The following TRIM72 variants were observed in gnomAD, a reference collection of about 807,000 sequenced individuals.
TRIM72 encodes the protein tripartite motif-containing protein 72.
TRIM72 carries 33 observed loss-of-function variants against 31.6 expected under a neutral mutation model. That is an observed-to-expected ratio of 1.04 (90% CI 0.79 to 1.40). The LOEUF is 1.40. TRIM72 is among the 40% of genes most tolerant of loss of function. TRIM72 has a pLI of 0.00. For missense variants in TRIM72, 666 were observed against 682.7 expected, an observed-to-expected ratio of 0.98 and a Z score of 0.27; for synonymous variants, 301 against 314.4, an observed-to-expected ratio of 0.96 and a Z score of 0.45.
chr16:31,224,116 T>G, intron 6 of TRIM72, 65 bp from the exon 7 acceptor site: 1 of 1,538,158 alleles, frequency 6.5e-7, no homozygotes, highest in Non-Finnish European at 8.7e-7. Flanking sequence ...TGGCCTGCAA[T>G]TGGTTGGGAG....
At chr16:31,217,049 A>G (rs1363908037) in intron 2 of TRIM72, 28 of 1,601,862 alleles carry the variant, frequency 1.7e-5, no homozygotes, top group Admixed American at 8.4e-5. Context: ...TGCGCCTCTG[A>G]GCCTCCGAGG....
In TRIM72 at chr16:31,219,946, G is replaced by A. The variant is rs1425584225; in HGVS notation, c.717+427G>A. 6.6e-6 allele frequency among the ~76,000 whole-genome samples: 1 copy of A among 152,012 alleles called. No homozygotes were observed. The highest frequency in any genetic ancestry group is 2.4e-5 in the African/African-American group (1 of 41,394). On this transcript the variant is annotated intron_variant, in intron 4 of 6. Transcript: ENST00000322122. The surrounding 1 kb of genome is among the most constrained non-coding windows in gnomAD (Gnocchi z 4.2). ...CCTGGCTAATTTTTTCTATTTTTCAGTAGAGACAGGGTTTCACCGTGTTAG... is the reference window on the plus strand; with the variant it reads ...CCTGGCTAATTTTTTCTATTTTTCAATAGAGACAGGGTTTCACCGTGTTAG...
In TRIM72 at chr16:31,215,014, G is replaced by A; in HGVS notation, c.276G>A (p.Pro92=). The A allele has an allele frequency of 2.0e-6, 3 of 1,504,734 alleles. No homozygotes were observed. The highest frequency in any genetic ancestry group is 2.5e-5 in the South Asian group (2 of 80,578). 93.2% of individuals were successfully genotyped at this position (1,504,734 alleles called of 1,614,324 possible). The part of the protein sequence containing the change: ...PQGHCEEHLD[P]LSIYCEQDRA... ...GCCACTGCGAGGAGCACCTGGACCCGCTGAGCATCTACTGCGAGCAGGACC... is the reference window on the plus strand; with the variant it reads ...GCCACTGCGAGGAGCACCTGGACCCACTGAGCATCTACTGCGAGCAGGACC... The change falls in exon 2 of 7, where the codon CCG becomes CCA. Residue 92 remains proline (P), a synonymous_variant. Transcript: ENST00000322122. This position sits in a 1 kb window ranked among gnomAD's most constrained non-coding sequence, Gnocchi z 6.3.
chr16:31,222,575 G>T (rs1295668057), intron 5 of TRIM72, among the ~76,000 whole-genome samples: 1 of 145,834 alleles, frequency 6.9e-6, no homozygotes, highest in African/African-American at 2.5e-5. Flanking sequence ...CAGCCTCCCT[G>T]AGCAGCTGGG....
chr16:31,214,629 C>T, intron 1 of TRIM72, 103 bp from the exon 2 acceptor site: 2 of 1,269,328 alleles, frequency 1.6e-6, no homozygotes, highest in Non-Finnish European at 2.0e-6. Context: ...GCTGGGGCTT[C>T]TCCCTGCGGG....
chr16:31,220,980 C>T (rs1010095234), intron 5 of TRIM72, 62 bp downstream of exon 5: 58 of 1,602,678 alleles, frequency 3.6e-5, no homozygotes, highest in African/African-American at 2.1e-4. Flanking sequence ...GGACACCAGC[C>T]GGCTCACTCT....
At chr16:31,217,050 G>A (rs1209263204) in intron 2 of TRIM72, 6 of 1,600,392 alleles carry the variant, frequency 3.7e-6, no homozygotes, top group Admixed American at 1.7e-5. Context: ...GCGCCTCTGA[G>A]CCTCCGAGGG....
chr16:31,220,709 A>G (rs1231440965), intron 4 of TRIM72, among the ~76,000 whole-genome samples, 187 bp from the exon 5 acceptor site: 1 of 151,512 alleles, frequency 6.6e-6, no homozygotes, highest in Non-Finnish European at 1.5e-5. Flanking sequence ...GGCCTCAAGC[A>G]ATCCACACAC....
chr16:31,218,714 C>T (rs1596939336), intron 2 of TRIM72, among the ~76,000 whole-genome samples: 1 of 151,636 alleles, frequency 6.6e-6, no homozygotes, highest in African/African-American at 2.4e-5. Context: ...TTGCTGGGCA[C>T]GGTGGTGTGT....
Position 31,227,466 on chromosome 16 carries a change from C to T in TRIM72, c.*2711C>T, listed in dbSNP as rs1230708820. 2.0e-5 allele frequency: 3 copies of T among 151,078 alleles called. No homozygotes were observed. The highest frequency in any genetic ancestry group is 7.3e-5 in the African/African-American group (3 of 41,002). The allele number at this position is 151,078 out of a possible 1,614,324, so 9.4% of individuals were successfully genotyped here. ...GGTGTGATCACCGTAACCTCCGCCT[C>T]CTAGGTTCAAGGGATTCTCCTGCCT... On this transcript the variant is annotated 3_prime_UTR_variant, in exon 7 of 7. Transcript: ENST00000322122.
intron 2 of TRIM72, chr16:31,217,194 C>T (rs376228063): frequency 2.2e-5 from 16 of 715,302 alleles, no homozygotes; most frequent in African/African-American, 1.1e-4. Flanking sequence ...CTGCAAACAC[C>T]GCCTAGAGGG....
chr16:31,222,422 T>TA (rs2079537956), intron 5 of TRIM72, among the ~76,000 whole-genome samples: 1 of 140,854 alleles, frequency 7.1e-6, no homozygotes. Flanking sequence ...CAAAACCAAA[T>TA]AAACAGTGGT....
chr16:31,223,080 C>T, intron 6 of TRIM72, 135 bp downstream of exon 6: 1 of 705,036 alleles, frequency 1.4e-6, no homozygotes, highest in Non-Finnish European at 2.5e-6. Context: ...TGCCTCTGGA[C>T]TGCCGCTGCA....
chr16:31,220,519 A>T (rs1165306526), intron 4 of TRIM72, among the ~76,000 whole-genome samples: 9 of 109,720 alleles, frequency 8.2e-5, no homozygotes, highest in African/African-American at 3.2e-4. Flanking sequence ...CCCAGGCTGG[A>T]GTGCAGTGGC....
chr16:31,223,930 AAAC>A (rs981366514), intron 6 of TRIM72, among the ~76,000 whole-genome samples: 6 of 152,100 alleles, frequency 3.9e-5, no homozygotes, highest in East Asian at 1.9e-4. Flanking sequence ...CAAAAACAAA[AAAC>A]AACAACAATA....
At chr16:31,218,225 G>A (rs1165738386) in intron 2 of TRIM72, among the ~76,000 whole-genome samples, 1 of 152,138 alleles carries the variant, frequency 6.6e-6, no homozygotes, top group Non-Finnish European at 1.5e-5. Context: ...GATCAGGGAA[G>A]GCAAGGCCAG....
At chr16:31,223,630 T>G (rs2079542937) in intron 6 of TRIM72, among the ~76,000 whole-genome samples, 1 of 152,128 alleles carries the variant, frequency 6.6e-6, no homozygotes, top group Non-Finnish European at 1.5e-5. Context: ...TTGGCCAGGC[T>G]CGGTGGCTCA....
At position 31,225,648 on chromosome 16, in the gene TRIM72, T is replaced by C. The variant is rs1482044743; in HGVS notation, c.*893T>C. 5.3e-5 allele frequency: 6 copies of C among 112,268 alleles called. No homozygotes were observed. The highest frequency in any genetic ancestry group is 3.1e-4 in the South Asian group (1 of 3,180). 7.0% of individuals were successfully genotyped at this position (112,268 alleles called of 1,614,324 possible). A position where few individuals can be genotyped will look rare whatever the true frequency, so the allele number is the denominator to read the frequency against. On this transcript the variant is annotated 3_prime_UTR_variant, in exon 7 of 7. Transcript: ENST00000322122. ...CTCATTTCTTTTTTTTATTTCTTTT[T>C]TTTTTTTTTTTTTTTTTTTTTGAGA...
chr16:31,222,778 C>A, intron 5 of TRIM72, 49 bp from the exon 6 acceptor site: 1 of 681,400 alleles, frequency 1.5e-6, no homozygotes, highest in East Asian at 4.0e-5. Context: ...CCCCCCAGCC[C>A]TTGTCCTCCC....
Sources: gnomAD v4.1 joint callset for allele counts (sites outside exome capture counted in the v4.1 genomes callset) on GRCh38, gnomAD v4.1.1 for gene constraint, Gnocchi (gnomAD v3.1) non-coding constraint, MANE v1.5 for transcripts, NCBI Gene and HGNC (gene_info 2026-07-23, HGNC 2026-07-21) for gene names.